Variants in ADH1C observed in about 807,000 individuals in gnomAD.
ADH1C encodes the protein alcohol dehydrogenase 1C.
In ADH1C, 26 loss-of-function variants were observed where a neutral mutation model predicts 35.0. That is an observed-to-expected ratio of 0.74 (90% CI 0.54 to 1.03). ADH1C has a LOEUF of 1.03. Among genes scored for constraint, ADH1C ranks in the 50% least tolerant of loss-of-function variants. The pLI is 0.00. For missense variants in ADH1C, 413 were observed against 465.4 expected (o/e 0.89, Z 1.04); for synonymous variants, 170 against 169.3 (o/e 1.00, Z -0.03).
chr4:99,337,592 G>T (rs1178461224), intron 8 of ADH1C, among the ~76,000 whole-genome samples: 2 of 151,908 alleles, frequency 1.3e-5, no homozygotes, highest in Non-Finnish European at 2.9e-5. Flanking sequence ...TATATATAGT[G>T]TGTGTGTGGT....
In ADH1C at chr4:99,339,701, C is replaced by T; in HGVS notation, c.979G>A (p.Glu327Lys). 1 of 1,611,100 alleles carries T rather than the reference C, an allele frequency of 6.2e-7. No homozygotes were observed. Among genetic ancestry groups the T allele is most frequent in the East Asian group, 2.2e-5 (1 of 44,744 alleles). Residue 327 changes from glutamate (E) to lysine (K), a missense_variant, in exon 8 of 9, where the codon GAA becomes AAA. Glu to Lys is a moderately conservative substitution (Grantham distance 56). Transcript: ENST00000515683. ...GAIFGGFKSKESVPKLVADFM... is the reference protein window; with the variant it reads ...GAIFGGFKSKKSVPKLVADFM... ...TCAGCCACAAGTTTGGGGACAGATT[C>T]TTTACTCTTAAAGCCTGAAAAGAAG...
rs757117434 is a variant in ADH1C, at chr4:99,352,665, G to A, written c.11C>T (p.Ala4Val). The A allele has an allele frequency of 6.2e-7, 1 of 1,612,526 alleles. No homozygotes were observed. Among genetic ancestry groups the A allele is most frequent in the Non-Finnish European group, 8.5e-7 (1 of 1,178,920 alleles). The change falls in exon 1 of 9, where the codon GCA becomes GTA. Residue 4 changes from alanine (A) to valine (V), a missense_variant. Ala to Val is a moderately conservative substitution (Grantham distance 64). Transcript: ENST00000515683. The part of the protein sequence containing the change: MST[A>V]GKVIKCKAAV... ...AATATATTTTTTGCTTACTTTTCCT[G>A]CTGTGCTCATATTGATTCTGTCTTC... is the stretch of plus-strand genomic sequence containing the variant.
chr4:99,352,016 C>G (rs11936869), intron 1 of ADH1C, among the ~76,000 whole-genome samples: 51,086 of 151,996 alleles, frequency 0.34, 9,958 homozygotes, highest in East Asian at 0.75. Context: ...AGATACTGTT[C>G]CATAAGATTT....
chr4:99,352,737 T>C lies in ADH1C; in HGVS notation c.-62A>G. On this transcript the variant is annotated 5_prime_UTR_variant, in exon 1 of 9. Transcript: ENST00000515683. ...GAGTACTTGTGGATTTCTTCTCTGCTTGAGTGCATAAAGCAGGTATGTTGC... is the reference window on the plus strand; with the variant it reads ...GAGTACTTGTGGATTTCTTCTCTGCCTGAGTGCATAAAGCAGGTATGTTGC... The C allele has an allele frequency of 1.3e-6, 2 of 1,558,842 alleles. No individual in the cohort carries two copies. Among genetic ancestry groups the C allele is most frequent in the Non-Finnish European group, 1.8e-6 (2 of 1,130,970 alleles).
At chr4:99,341,633 G>T (rs781098192) in intron 6 of ADH1C, among the ~76,000 whole-genome samples, 2 of 152,136 alleles carry the variant, frequency 1.3e-5, no homozygotes, top group Non-Finnish European at 2.9e-5. Flanking sequence ...GCTGCTCCCT[G>T]TTACCCACAC....
chr4:99,338,873 T>A (rs1447966840), intron 8 of ADH1C, among the ~76,000 whole-genome samples: 1 of 151,838 alleles, frequency 6.6e-6, no homozygotes, highest in East Asian at 1.9e-4. Context: ...TTTCCAGTTA[T>A]GTCTCATATA....
chr4:99,352,254 A>G (rs1160676252), intron 1 of ADH1C, among the ~76,000 whole-genome samples: 1 of 152,230 alleles, frequency 6.6e-6, no homozygotes, highest in Non-Finnish European at 1.5e-5. Context: ...ATAATAACAC[A>G]TTTAAATTAT....
intron 2 of ADH1C, 96 bp downstream of exon 2, chr4:99,347,648 TA>T: frequency 9.0e-6 from 11 of 1,216,360 alleles, no homozygotes; most frequent in Non-Finnish European, 1.2e-5. Context: ...GATAATTATA[TA>T]AAAAATACCT....
intron 1 of ADH1C, among the ~76,000 whole-genome samples, chr4:99,349,549 A>G (rs892149518): frequency 6.6e-6 from 1 of 152,196 alleles, no homozygotes; most frequent in African/African-American, 2.4e-5. Context: ...TTTTCTGCTT[A>G]GGCCAAAAGG....
At chr4:99,352,556 ATATGAAT>A in intron 1 of ADH1C, 95 bp downstream of exon 1, 3 of 977,656 alleles carry the variant, frequency 3.1e-6, no homozygotes, top group Admixed American at 2.3e-5. Flanking sequence ...TCTAATTTAG[ATATGAAT>A]TTTAAATTTT....
chr4:99,352,638 G>A lies in ADH1C; in HGVS notation c.18+20C>T. On this transcript the variant is annotated intron_variant, in intron 1 of 8. Transcript: ENST00000515683. ...TATTGAAGAGAATATATTATCAACA[G>A]TAATATATTTTTTGCTTACTTTTCC... 1 of 1,584,290 alleles carries A rather than the reference G, an allele frequency of 6.3e-7. No homozygotes were observed. The highest frequency in any genetic ancestry group is 8.7e-7 in the Non-Finnish European group (1 of 1,153,370).
rs1334509876 is a variant in ADH1C, at chr4:99,338,393, T to TTTTATATATATATA, written c.1103+1183_1103+1184insTATATATATATAAA. On this transcript the variant is annotated intron_variant, in intron 8 of 8. Coordinates refer to ENST00000515683, the MANE Select transcript of ADH1C (RefSeq NM_000669.5). ...TAATTAACCTTTGATGAATACTGTTTTCTATATATATATATATATATATAT... is the reference window on the plus strand; with the variant it reads ...TAATTAACCTTTGATGAATACTGTTTTTTATATATATATATCTATATATATATATATATATATAT... Among the ~76,000 whole-genome samples, 36 of 73,094 alleles carry TTTTATATATATATA rather than the reference T, an allele frequency of 4.9e-4. 3 individuals carry two copies. The highest frequency in any genetic ancestry group is 6.8e-4 in the South Asian group (1 of 1,480). 48.0% of individuals were successfully genotyped at this position (73,094 alleles called of 152,430 possible). A position where few individuals can be genotyped will look rare whatever the true frequency, so the allele number is the denominator to read the frequency against.
intron 6 of ADH1C, 70 bp downstream of exon 6, chr4:99,342,725 A>G (rs745448303): frequency 3.1e-6 from 5 of 1,600,550 alleles, no homozygotes; most frequent in Non-Finnish European, 4.3e-6. Flanking sequence ...CATAATACGT[A>G]TATTCTACTG....
chr4:99,338,794 A>G (rs1734345773), intron 8 of ADH1C, among the ~76,000 whole-genome samples: 1 of 150,918 alleles, frequency 6.6e-6, no homozygotes, highest in South Asian at 2.1e-4. Context: ...CCTCATGAAA[A>G]TAAGTGTGGG....
At position 99,339,561 on chromosome 4, in the gene ADH1C, A is replaced by G; in HGVS notation, c.1103+16T>C. 1.3e-6 allele frequency: 2 copies of G among 1,551,450 alleles called. No individual in the cohort carries two copies. Among genetic ancestry groups the G allele is most frequent in the East Asian group, 2.3e-5 (1 of 43,690 alleles). Reference sequence around the variant, plus strand: ...GTAGAATACAAAGCAAAACAAAAAAACAACTTAAAATCTACCTCTTTCCAG... The same window carrying G: ...GTAGAATACAAAGCAAAACAAAAAAGCAACTTAAAATCTACCTCTTTCCAG... On this transcript the variant is annotated intron_variant, in intron 8 of 8. Coordinates refer to ENST00000515683, the MANE Select transcript of ADH1C (RefSeq NM_000669.5).
intron 5 of ADH1C, among the ~76,000 whole-genome samples, chr4:99,344,544 T>A (rs897920073): frequency 1.3e-5 from 2 of 152,202 alleles, no homozygotes; most frequent in East Asian, 3.9e-4. Flanking sequence ...CTGAGGTATG[T>A]ATAGGTGCTC....
Position 99,344,847 on chromosome 4 carries a change from C to A in ADH1C, c.567+15G>T. On this transcript the variant is annotated intron_variant, in intron 5 of 8. Transcript: ENST00000515683. Reference sequence around the variant, plus strand: ...TCTGCGTGTAACCGGTTTTATCATCCATTGTCATTTCTACCTTGGCAACTT... The same window carrying A: ...TCTGCGTGTAACCGGTTTTATCATCAATTGTCATTTCTACCTTGGCAACTT... 6.2e-7 allele frequency: 1 copy of A among 1,614,036 alleles called. No individual in the cohort carries two copies. Among genetic ancestry groups the A allele is most frequent in the South Asian group, 1.1e-5 (1 of 91,072 alleles).
At chr4:99,336,917 G>T in intron 8 of ADH1C, 141 bp from the exon 9 acceptor site, 1 of 1,209,460 alleles carries the variant, frequency 8.3e-7, no homozygotes, top group Non-Finnish European at 1.2e-6. Context: ...CTATGCATTT[G>T]GGTCAAGTCA....
rs770280294 is a variant in ADH1C, at chr4:99,345,068, G to A, written c.361C>T (p.Arg121Trp). ...CTGGTGCCATCCTGCAGGGTCCCCCGAGGATTGCCTAGACTGGGCAGTGCA... is the reference window on the plus strand; with the variant it reads ...CTGGTGCCATCCTGCAGGGTCCCCCAAGGATTGCCTAGACTGGGCAGTGCA... ...YCLKNDLGNP[R>W]GTLQDGTRRF... is the part of the protein sequence containing the mutation. Residue 121 changes from arginine to tryptophan, a missense_variant, in exon 5 of 9, where the codon CGG (arginine) becomes TGG (tryptophan). Transcript: ENST00000515683. 13 of 1,614,054 alleles carry A rather than the reference G, an allele frequency of 8.1e-6. No homozygotes were observed. Among genetic ancestry groups the A allele is most frequent in the African/African-American group, 5.3e-5 (4 of 74,920 alleles).
Sources: gnomAD v4.1 joint callset for allele counts (sites outside exome capture counted in the v4.1 genomes callset) on GRCh38, gnomAD v4.1.1 for gene constraint, MANE v1.5 for transcripts, NCBI Gene and HGNC (gene_info 2026-07-23, HGNC 2026-07-21) for gene names.